The following PEAK1 variants were observed in gnomAD, a reference collection of about 807,000 sequenced individuals.
PEAK1 encodes the protein inactive tyrosine-protein kinase PEAK1.
PEAK1 carries 54 observed loss-of-function variants against 124.7 expected under a neutral mutation model. The ratio of observed to expected loss-of-function variants is 0.43; its 90% confidence interval spans 0.35 to 0.54. The LOEUF (loss-of-function observed/expected upper bound fraction) is 0.54, where lower values mean the gene tolerates loss of function less well. Among genes scored for constraint, PEAK1 ranks in the 20% least tolerant of loss-of-function variants. The pLI is 0.01. For synonymous variants in PEAK1, 719 were observed against 760.0 expected (o/e 0.95, Z 0.89); for missense variants, 2,046 against 2,134.5 (o/e 0.96, Z 0.82).
chr15:77,238,705 ATAGT>A (rs1242081812), intron 6 of PEAK1, among the ~76,000 whole-genome samples: 2 of 152,122 alleles, frequency 1.3e-5, no homozygotes, highest in African/African-American at 4.8e-5. Flanking sequence ...GTTAAAATGG[ATAGT>A]TAGTGTTCTA....
intron 6 of PEAK1, among the ~76,000 whole-genome samples, chr15:77,192,141 C>G (rs2152834392): frequency 6.6e-6 from 1 of 152,306 alleles, no homozygotes; most frequent in South Asian, 2.1e-4. Context: ...CTTATGTAAA[C>G]TTGACTCTAA....
In PEAK1 at chr15:77,180,082, A is replaced by C. The variant is rs2057154344; in HGVS notation, c.1845T>G (p.Thr615=). The part of the protein sequence containing the change: ...PFPIIIHDEP[T]YARSSKNAIK... ...TAGCATTTTTGGAACTCCGAGCATA[A>C]GTTGGCTCGTCATGAATGATAATTG... Residue 615 remains threonine, a synonymous_variant, in exon 7 of 10, where the codon ACT becomes ACG. Transcript: ENST00000682557. The C allele has an allele frequency of 6.2e-7, 1 of 1,613,930 alleles. No homozygotes were observed. Among genetic ancestry groups the C allele is most frequent in the Non-Finnish European group, 8.5e-7 (1 of 1,179,918 alleles).
intron 2 of PEAK1, among the ~76,000 whole-genome samples, chr15:77,327,662 G>T (rs528321147): frequency 6.6e-6 from 1 of 151,772 alleles, no homozygotes; most frequent in South Asian, 2.1e-4. Flanking sequence ...TGTTGTTGTT[G>T]TTTTTTTAAC....
intron 6 of PEAK1, among the ~76,000 whole-genome samples, chr15:77,205,812 T>C (rs2058614221): frequency 6.6e-6 from 1 of 151,122 alleles, no homozygotes; most frequent in African/African-American, 2.4e-5. Context: ...GGAATAACTT[T>C]ATTATTAATT....
chr15:77,317,410 T>A (rs2064946278), intron 2 of PEAK1, among the ~76,000 whole-genome samples: 3 of 152,200 alleles, frequency 2.0e-5, no homozygotes, highest in Non-Finnish European at 2.9e-5. Flanking sequence ...ACACAATCAG[T>A]TAATAATTCA....
At chr15:77,153,311 C>T (rs541443112) in intron 8 of PEAK1, among the ~76,000 whole-genome samples, 109 of 152,160 alleles carry the variant, frequency 7.2e-4, no homozygotes, top group Admixed American at 6.5e-4. Flanking sequence ...TGGTAGTTTG[C>T]ATTTCTGTGG....
intron 7 of PEAK1, among the ~76,000 whole-genome samples, chr15:77,162,874 T>C (rs981089563): frequency 6.6e-6 from 1 of 152,242 alleles, no homozygotes; most frequent in African/African-American, 2.4e-5. Context: ...ATATACTATA[T>C]GTTAGCACGT....
At chr15:77,352,849 TA>T in intron 2 of PEAK1, 2 of 984,846 alleles carry the variant, frequency 2.0e-6, no homozygotes, top group Non-Finnish European at 2.4e-6. Context: ...ACAGCTTTGT[TA>T]AAAAAAACAA....
chr15:77,411,682 T>C (rs1325849744), intron 1 of PEAK1, among the ~76,000 whole-genome samples: 2 of 152,196 alleles, frequency 1.3e-5, no homozygotes, highest in African/African-American at 4.8e-5. Flanking sequence ...CATAGCTCAC[T>C]GCAGCCTTGA....
At chr15:77,211,979 T>C (rs1314337695) in intron 6 of PEAK1, among the ~76,000 whole-genome samples, 2 of 152,164 alleles carry the variant, frequency 1.3e-5, no homozygotes, top group Non-Finnish European at 2.9e-5. Flanking sequence ...TTATTCATTA[T>C]TATTTACTGA....
chr15:77,357,091 AC>A (rs765965169), intron 2 of PEAK1, among the ~76,000 whole-genome samples: 9 of 152,070 alleles, frequency 5.9e-5, no homozygotes, highest in Non-Finnish European at 8.8e-5. Flanking sequence ...ACGTAAGAGG[AC>A]CCACTCTCTA....
At chr15:77,381,001 T>C (rs1298301087) in intron 1 of PEAK1, among the ~76,000 whole-genome samples, 1 of 152,192 alleles carries the variant, frequency 6.6e-6, no homozygotes, top group South Asian at 2.1e-4. Context: ...TATGAGCTAA[T>C]AATATGATTT....
At chr15:77,390,878 G>A (rs1265286068) in intron 1 of PEAK1, among the ~76,000 whole-genome samples, 1 of 152,126 alleles carries the variant, frequency 6.6e-6, no homozygotes, top group Non-Finnish European at 1.5e-5. Flanking sequence ...AACTTTTCCT[G>A]GGGCACAATC....
intron 2 of PEAK1, chr15:77,335,054 G>C: frequency 2.0e-6 from 2 of 985,406 alleles, no homozygotes; most frequent in Non-Finnish European, 2.4e-6. Context: ...TATGTGGACA[G>C]GTTTCTTCTA....
chr15:77,195,105 A>G (rs2058039293), intron 6 of PEAK1, among the ~76,000 whole-genome samples: 1 of 151,990 alleles, frequency 6.6e-6, no homozygotes, highest in South Asian at 2.1e-4. Context: ...TTTATAGAAA[A>G]CTATAAAAAT....
intron 6 of PEAK1, among the ~76,000 whole-genome samples, chr15:77,192,243 T>C (rs956342983): frequency 6.6e-6 from 1 of 152,202 alleles, no homozygotes; most frequent in African/African-American, 2.4e-5. Flanking sequence ...AAAGTGACAA[T>C]TCTTTAGTTA....
intron 2 of PEAK1, among the ~76,000 whole-genome samples, chr15:77,317,746 G>T (rs559545056): frequency 2.0e-5 from 3 of 152,128 alleles, no homozygotes; most frequent in Non-Finnish European, 4.4e-5. Context: ...AGCTCTACAA[G>T]TTTAATCACT....
In PEAK1 at chr15:77,296,689, T is replaced by C. The variant is rs17384231; in HGVS notation, c.-602-10185A>G. ...AAATGCAGGTATCTAAATCTGAAAATTGAAATAAAATAAAATAAAATGGTA... is the reference window on the plus strand; with the variant it reads ...AAATGCAGGTATCTAAATCTGAAAACTGAAATAAAATAAAATAAAATGGTA... On this transcript the variant is annotated intron_variant, in intron 2 of 9. Coordinates refer to ENST00000682557, the MANE Select transcript of PEAK1 (RefSeq NM_001385026.1). Among the ~76,000 whole-genome samples the C allele has an allele frequency of 4.9e-3, 737 of 151,118 alleles. 20 individuals are homozygous for C. Among genetic ancestry groups the C allele is most frequent in the African/African-American group, 0.017 (683 of 40,870 alleles).
chr15:77,239,831 C>T (rs1463058444), intron 6 of PEAK1: 3 of 984,994 alleles, frequency 3.0e-6, no homozygotes, highest in East Asian at 1.1e-4. Context: ...TCAAAGACCA[C>T]TCTCTAGGAA....
Sources: allele counts gnomAD v4.1 joint callset (sites outside exome capture counted in the v4.1 genomes callset), GRCh38; gene constraint gnomAD v4.1.1; transcripts MANE v1.5; gene names NCBI Gene and HGNC (gene_info 2026-07-23, HGNC 2026-07-21).